The following AVEN variants were observed in gnomAD, a reference collection of about 807,000 sequenced individuals.
The protein encoded by AVEN is apoptosis and caspase activation inhibitor, also known as cell death regulator Aven.
In AVEN, 41 loss-of-function variants were observed where a neutral mutation model predicts 38.1. The observed-to-expected ratio is 1.08, with a 90% confidence interval of 0.84 to 1.40. The LOEUF is 1.40. Among genes scored for constraint, AVEN ranks in the 40% most tolerant of loss-of-function variants. The probability of loss-of-function intolerance (pLI) is 0.00; values close to 1 mark genes in which losing one functional copy is unlikely to be tolerated. For missense variants in AVEN, 605 were observed against 438.8 expected, an observed-to-expected ratio of 1.38 and a Z score of -3.38; for synonymous variants, 206 against 171.8, an observed-to-expected ratio of 1.20 and a Z score of -1.56.
chr15:33,973,233 T>C (rs559893634), intron 2 of AVEN, among the ~76,000 whole-genome samples: 89 of 152,358 alleles, frequency 5.8e-4, no homozygotes, highest in Non-Finnish European at 1.1e-3. Flanking sequence ...CACTGAATAA[T>C]GTGTTCTTTA....
intron 2 of AVEN, among the ~76,000 whole-genome samples, chr15:33,989,180 T>A (rs1466709259): frequency 6.6e-6 from 1 of 151,886 alleles, no homozygotes; most frequent in Non-Finnish European, 1.5e-5. Context: ...AAAGAGAAGA[T>A]GAGTTAATGA....
chr15:34,065,627 G>A (rs1900490418), intron 4 of AVEN: 1 of 152,194 alleles, frequency 6.6e-6, no homozygotes, highest in African/African-American at 2.4e-5. Context: ...AAAACAAAGT[G>A]TAGGTCATAG....
rs561757870 is a variant in AVEN, at chr15:33,983,175, T to C, written c.445+19857A>G. ...GTGTGTGTGTATGTGTGTGTGTATA[T>C]ATACACACGTGTGTGTATGTGTGTG... On this transcript the variant is annotated intron_variant, in intron 2 of 5. Coordinates refer to ENST00000306730, the MANE Select transcript of AVEN (RefSeq NM_020371.3). 2.4e-3 allele frequency among the ~76,000 whole-genome samples: 299 copies of C among 124,358 alleles called. 1 individual carries two copies. Among genetic ancestry groups the C allele is most frequent in the Non-Finnish European group, 3.2e-3 (200 of 63,162 alleles). The allele number at this position is 124,358 out of a possible 152,430, so 81.6% of individuals were successfully genotyped here.
At chr15:33,891,741 A>G (rs1891979566) in intron 2 of AVEN, among the ~76,000 whole-genome samples, 1 of 152,202 alleles carries the variant, frequency 6.6e-6, no homozygotes, top group South Asian at 2.1e-4. Flanking sequence ...TTGGGTATAT[A>G]CCCAGTAGTG....
At chr15:33,999,111 G>T (rs955714612) in intron 2 of AVEN, among the ~76,000 whole-genome samples, 3 of 152,186 alleles carry the variant, frequency 2.0e-5, no homozygotes, top group African/African-American at 7.2e-5. Context: ...GACCAATATG[G>T]ATTACAACTT....
downstream of AVEN, chr15:33,865,440 A>G (rs1890185474): frequency 2.0e-6 from 1 of 499,652 alleles, no homozygotes; most frequent in Non-Finnish European, 3.6e-6. Context: ...AAAATGTCGA[A>G]GAAGGAAGGC....
downstream of AVEN, chr15:33,858,046 T>C: frequency 8.4e-7 from 1 of 1,194,386 alleles, no homozygotes; most frequent in Admixed American, 2.6e-5. Context: ...ACAGCAGAGA[T>C]TAAAGTAGAA....
chr15:33,857,963 C>A, downstream of AVEN: 1 of 1,606,250 alleles, frequency 6.2e-7, no homozygotes, highest in Non-Finnish European at 8.5e-7. Context: ...CGGGGCCACC[C>A]CGCCCCACCA....
intron 2 of AVEN, among the ~76,000 whole-genome samples, chr15:33,901,174 G>A (rs1892484754): frequency 6.6e-6 from 1 of 152,212 alleles, no homozygotes; most frequent in South Asian, 2.1e-4. Flanking sequence ...GGCTGAGGCA[G>A]GAGAATGGTG....
chr15:33,876,125 C>T lies in AVEN; in HGVS notation c.446-130G>A, dbSNP rs1891220889. The stretch of plus-strand genomic sequence containing the variant: ...CTCAAAGGGAGAGGCAAGGATAAAA[C>T]TGGAACATACCTCCAACTCCATTTC... On this transcript the variant is annotated intron_variant, in intron 2 of 5. Coordinates refer to ENST00000306730, the MANE Select transcript of AVEN (RefSeq NM_020371.3). The T allele has an allele frequency of 8.3e-6, 6 of 721,148 alleles. No homozygotes were observed. In the South Asian group the frequency reaches 9.2e-5, roughly 11 times the overall value. 44.7% of individuals were successfully genotyped at this position (721,148 alleles called of 1,614,324 possible). A position where few individuals can be genotyped will look rare whatever the true frequency, so the allele number is the denominator to read the frequency against.
At chr15:33,904,694 A>AATATATAT (rs1223406628) in intron 2 of AVEN, among the ~76,000 whole-genome samples, 4 of 112,744 alleles carry the variant, frequency 3.5e-5, no homozygotes, top group African/African-American at 1.2e-4. Context: ...AAAAAAAAAA[A>AATATATAT]ATATATATAT....
At chr15:34,073,349 C>G (rs553339984) in intron 1 of AVEN, among the ~76,000 whole-genome samples, 2 of 151,790 alleles carry the variant, frequency 1.3e-5, no homozygotes, top group East Asian at 1.9e-4. Context: ...GCCACCGCGC[C>G]CGGCCTGTAC....
chr15:33,865,411 C>T (rs556708485), downstream of AVEN: 2 of 549,434 alleles, frequency 3.6e-6, no homozygotes. Flanking sequence ...TGGACATACA[C>T]TGTGGGAGAG....
At chr15:34,017,497 T>TTTTTTTAG (rs1555516619) in intron 1 of AVEN, among the ~76,000 whole-genome samples, 1 of 133,364 alleles carries the variant, frequency 7.5e-6, no homozygotes, top group Non-Finnish European at 1.7e-5. Flanking sequence ...TTTTTTTTTT[T>TTTTTTTAG]TTTGAGACAG....
intron 3 of AVEN, among the ~76,000 whole-genome samples, chr15:33,875,012 T>G (rs1891160294): frequency 6.6e-6 from 1 of 152,226 alleles, no homozygotes; most frequent in Non-Finnish European, 1.5e-5. Context: ...TATAACACGT[T>G]CTTTGTAAAG....
rs1567447382 is a variant in AVEN at position 33,983,144 on chromosome 15, G to GTA, written c.445+19887_445+19888insTA. 9.7e-4 allele frequency among the ~76,000 whole-genome samples: 115 copies of GTA among 118,212 alleles called. 1 individual carries two copies. Among genetic ancestry groups the GTA allele is most frequent in the Middle Eastern group, 3.8e-3 (1 of 260 alleles). The allele number at this position is 118,212 out of a possible 152,430, so 77.6% of individuals were successfully genotyped here. On this transcript the variant is annotated intron_variant, in intron 2 of 5. Transcript: ENST00000306730. ...GTCCATACTCTGTGTGTGTGTGTGT[G>GTA]TGTGTGTGTGTGTGTATGTGTGTGT... is the stretch of plus-strand genomic sequence containing the variant.
chr15:33,955,548 G>A (rs899938744), intron 2 of AVEN, among the ~76,000 whole-genome samples: 1 of 152,070 alleles, frequency 6.6e-6, no homozygotes, highest in African/African-American at 2.4e-5. Context: ...TACTAAGCTA[G>A]TCAGGAAAAA....
At chr15:34,030,011 T>TG (rs1898695034) in intron 1 of AVEN, among the ~76,000 whole-genome samples, 1 of 152,112 alleles carries the variant, frequency 6.6e-6, no homozygotes, top group Non-Finnish European at 1.5e-5. Flanking sequence ...CCCAGCACTT[T>TG]GGGAGGCCGA....
intron 1 of AVEN, 31 bp downstream of exon 1, chr15:34,038,749 G>A: frequency 8.7e-7 from 1 of 1,149,600 alleles, no homozygotes; most frequent in South Asian, 4.2e-5. Context: ...AGTTACACGC[G>A]GTCCCAGCCC....
Sources: allele counts gnomAD v4.1 joint callset (sites outside exome capture counted in the v4.1 genomes callset), GRCh38; gene constraint gnomAD v4.1.1; transcripts MANE v1.5; gene names NCBI Gene and HGNC (gene_info 2026-07-23, HGNC 2026-07-21).